The following IQGAP2 variants were observed in gnomAD, a reference collection of about 807,000 sequenced individuals.
IQGAP2 encodes IQ motif containing GTPase activating protein 2, also known as ras GTPase-activating-like protein IQGAP2.
Under a neutral mutation model 201.3 loss-of-function variants are expected in IQGAP2, and 173 were observed. The observed-to-expected ratio is 0.86, with a 90% CI of 0.76 to 0.98. The LOEUF is 0.98. IQGAP2 is among the 50% of genes least tolerant of loss of function. The pLI, the probability that IQGAP2 is intolerant of heterozygous loss-of-function variation, is 0.00. For synonymous variants in IQGAP2, 675 were observed against 673.9 expected (o/e 1.00, Z -0.03); for missense variants, 1,687 against 1,864.8 (o/e 0.90, Z 1.76).
intron 2 of IQGAP2, among the ~76,000 whole-genome samples, chr5:76,478,737 T>C (rs1418485371): frequency 3.9e-5 from 6 of 152,176 alleles, no homozygotes; most frequent in Non-Finnish European, 2.9e-5. Context: ...ATCCTAGGTG[T>C]GTAGAAGGCT....
chr5:76,661,596 G>C (rs1172460733), intron 21 of IQGAP2, among the ~76,000 whole-genome samples: 1 of 152,134 alleles, frequency 6.6e-6, no homozygotes, highest in Non-Finnish European at 1.5e-5. Context: ...ATGTGGCCTT[G>C]AGCATGTTTC....
At chr5:76,468,427 T>C (rs546822990) in intron 2 of IQGAP2, among the ~76,000 whole-genome samples, 41 of 152,354 alleles carry the variant, frequency 2.7e-4, no homozygotes, top group Non-Finnish European at 4.9e-4. Flanking sequence ...CCTTCATTTA[T>C]GTTTGCTCTG....
At chr5:76,410,858 C>G (rs1751068520) in intron 1 of IQGAP2, among the ~76,000 whole-genome samples, 2 of 152,336 alleles carry the variant, frequency 1.3e-5, no homozygotes, top group Admixed American at 1.3e-4. Flanking sequence ...GAGGAACTTT[C>G]ATTTAGACTT....
intron 10 of IQGAP2, 37 bp downstream of exon 10, chr5:76,597,639 C>T (rs1561494926): frequency 1.9e-6 from 3 of 1,607,326 alleles, no homozygotes; most frequent in African/African-American, 2.7e-5. Flanking sequence ...GGGACGGTAA[C>T]CCTGCGTGCC....
intron 1 of IQGAP2, among the ~76,000 whole-genome samples, chr5:76,415,063 C>G (rs1751336912): frequency 1.3e-5 from 2 of 152,158 alleles, no homozygotes; most frequent in South Asian, 4.1e-4. Context: ...TGCAAATAAT[C>G]TAGAAGGTTA....
intron 2 of IQGAP2, among the ~76,000 whole-genome samples, chr5:76,552,155 T>C (rs1743601976): frequency 6.6e-6 from 1 of 152,196 alleles, no homozygotes; most frequent in African/African-American, 2.4e-5. Context: ...GATAGATCTA[T>C]TGTCCCATCC....
intron 2 of IQGAP2, among the ~76,000 whole-genome samples, chr5:76,530,562 G>C (rs1759234242): frequency 6.6e-6 from 1 of 152,200 alleles, no homozygotes; most frequent in Admixed American, 6.5e-5. Flanking sequence ...CTGCAGTTTA[G>C]TACTAGGTTT....
In IQGAP2 at chr5:76,631,907, C is replaced by G. The variant is rs1184441704; in HGVS notation, c.1661C>G (p.Ser554Ter). The G allele has an allele frequency of 6.2e-7, 1 of 1,610,024 alleles. No individual in the cohort carries two copies. The highest frequency in any genetic ancestry group is 1.1e-5 in the South Asian group (1 of 90,382). Reference protein sequence around the residue: ...DVNQCLEGKKSSDILSVLKSS... With the variant: ...DVNQCLEGKK ...AATCAGTGTTTGGAAGGAAAAAAAT[C>G]AAGTGATATTTTGTCTGTATTGAAG... is the stretch of plus-strand genomic sequence containing the variant. The change falls in exon 15 of 36, where the codon TCA becomes TGA. Residue 554 changes from serine to a stop codon, truncating the protein, a stop_gained. Transcript: ENST00000274364. LOFTEE classifies it high-confidence loss of function.
rs534910034 is a variant in IQGAP2, at chr5:76,527,221, C to T, written c.147-35175C>T. 1.1e-4 allele frequency among the ~76,000 whole-genome samples: 17 copies of T among 152,316 alleles called. No individual in the cohort carries two copies. The South Asian group carries it at 3.5e-3, about 32-fold the overall frequency. On this transcript the variant is annotated intron_variant, in intron 2 of 35. Coordinates refer to ENST00000274364, the MANE Select transcript of IQGAP2 (RefSeq NM_006633.5). ...ATGCAAGCCAGAAAAGATGGGAGAGCTTCGCCTCTGCAGAAGGAAGCTGTT... is the reference window on the plus strand; with the variant it reads ...ATGCAAGCCAGAAAAGATGGGAGAGTTTCGCCTCTGCAGAAGGAAGCTGTT...
chr5:76,620,491 A>G (rs1003296999), intron 13 of IQGAP2, among the ~76,000 whole-genome samples: 1 of 152,164 alleles, frequency 6.6e-6, no homozygotes, highest in Non-Finnish European at 1.5e-5. Context: ...AGGAGACAGG[A>G]TCGGGGAGAA....
In IQGAP2 at chr5:76,618,378, G is replaced by A. The variant is rs781765373; in HGVS notation, c.1521+7195G>A. 25 of 1,614,044 alleles carry A rather than the reference G, an allele frequency of 1.5e-5. No homozygotes were observed. In the Admixed American group the frequency reaches 1.7e-4, roughly 11 times the overall value. On this transcript the variant is annotated intron_variant, in intron 13 of 35. Coordinates refer to ENST00000274364, the MANE Select transcript of IQGAP2 (RefSeq NM_006633.5). ...CATCCACAGGGTCACAGCATTGGCC[G>A]GGACACCAACTACAAACACCAGGAG...
chr5:76,535,427 A>T (rs1238447690), intron 2 of IQGAP2, among the ~76,000 whole-genome samples: 1 of 152,222 alleles, frequency 6.6e-6, no homozygotes, highest in African/African-American at 2.4e-5. Context: ...AATTTTTTTT[A>T]AATCAGCTCT....
intron 27 of IQGAP2, among the ~76,000 whole-genome samples, chr5:76,676,947 C>T (rs760680750): frequency 2.0e-5 from 3 of 152,170 alleles, no homozygotes; most frequent in Admixed American, 2.0e-4. Flanking sequence ...AGATGACCTA[C>T]GCATAGGTCA....
chr5:76,621,194 T>G (rs1749632105), intron 13 of IQGAP2, among the ~76,000 whole-genome samples: 1 of 152,238 alleles, frequency 6.6e-6, no homozygotes, highest in Admixed American at 6.5e-5. Context: ...TGCTTTAATC[T>G]CTAGCAGTTA....
intron 32 of IQGAP2, 66 bp from the exon 33 acceptor site, chr5:76,697,921 C>A: frequency 1.6e-6 from 2 of 1,263,076 alleles, no homozygotes; most frequent in Non-Finnish European, 2.2e-6. Context: ...TTCTTCTTGT[C>A]CCAAACTGGC....
At chr5:76,465,536 G>A (rs1754722237) in intron 2 of IQGAP2, among the ~76,000 whole-genome samples, 1 of 152,168 alleles carries the variant, frequency 6.6e-6, no homozygotes, top group South Asian at 2.1e-4. Flanking sequence ...CAGGCAGTTA[G>A]GCAAGAAAAA....
intron 2 of IQGAP2, among the ~76,000 whole-genome samples, chr5:76,509,696 C>T (rs770037298): frequency 6.6e-6 from 1 of 151,954 alleles, no homozygotes; most frequent in Non-Finnish European, 1.5e-5. Context: ...GCCCAGATTC[C>T]TTGTCCTTTT....
At chr5:76,404,595 G>T in intron 1 of IQGAP2, 1 of 580,606 alleles carries the variant, frequency 1.7e-6, no homozygotes, top group Non-Finnish European at 2.2e-6. Flanking sequence ...TGTGTGTGTG[G>T]TTTTGGATGG....
At chr5:76,694,828 G>T (rs757080252) in intron 31 of IQGAP2, among the ~76,000 whole-genome samples, 1 of 152,182 alleles carries the variant, frequency 6.6e-6, no homozygotes, top group Non-Finnish European at 1.5e-5. Flanking sequence ...TTTTGTTACT[G>T]TTTCCTTGAA....
Sources: gnomAD v4.1 joint callset for allele counts (sites outside exome capture counted in the v4.1 genomes callset) on GRCh38, gnomAD v4.1.1 for gene constraint, MANE v1.5 for transcripts, NCBI Gene and HGNC (gene_info 2026-07-23, HGNC 2026-07-21) for gene names.